The following BRDT variants were observed in gnomAD, a reference collection of about 807,000 sequenced individuals.
BRDT encodes the protein bromodomain testis-specific protein.
A neutral mutation model predicts 113.9 loss-of-function variants in BRDT; 77 were observed. The observed-to-expected ratio is 0.68, with a 90% CI of 0.56 to 0.82. The LOEUF (loss-of-function observed/expected upper bound fraction) is 0.82. Among genes scored for constraint, BRDT ranks in the 40% least tolerant of loss-of-function variants. BRDT has a pLI of 0.00. For synonymous variants in BRDT, 358 were observed against 366.5 expected (o/e 0.98, Z 0.26); for missense variants, 1,027 against 1,105.4 (o/e 0.93, Z 1.01).
intron 1 of BRDT, among the ~76,000 whole-genome samples, chr1:91,961,341 T>A (rs747464771): frequency 7.4e-5 from 11 of 148,720 alleles, no homozygotes; most frequent in Non-Finnish European, 1.6e-4. Context: ...TAAAATAAAA[T>A]CACTTTGGCT....
intron 15 of BRDT, among the ~76,000 whole-genome samples, chr1:91,995,641 T>C (rs908641227): frequency 7.3e-6 from 1 of 137,182 alleles, no homozygotes; most frequent in Non-Finnish European, 1.6e-5. Flanking sequence ...TTTTTTGTAG[T>C]TTTTTTTTTT....
chr1:92,014,229 C>T lies in BRDT; in HGVS notation c.2799C>T (p.Thr933=), dbSNP rs765506949. Residue 933 remains threonine (T), a synonymous_variant, in exon 19 of 19, where the codon ACC becomes ACT. Coordinates refer to ENST00000399546, the MANE Select transcript of BRDT (RefSeq NM_207189.4). ...REAMVGTIDM[T]LQSDIMTMFE... is the part of the protein sequence containing the mutation. ...AGATGGTGGGTACCATTGATATGAC[C>T]CTTCAAAGTGACATTATGACAATGT... is the stretch of plus-strand genomic sequence containing the variant. 1.9e-6 allele frequency: 3 copies of T among 1,588,646 alleles called. No homozygotes were observed. Among genetic ancestry groups the T allele is most frequent in the East Asian group, 4.6e-5 (2 of 43,590 alleles).
At chr1:91,973,630 T>C (rs1557823820) in intron 4 of BRDT, among the ~76,000 whole-genome samples, 2 of 152,212 alleles carry the variant, frequency 1.3e-5, no homozygotes, top group Admixed American at 1.3e-4. Context: ...ATTGATTTTG[T>C]ATCCTGAGAC....
chr1:91,960,967 C>T (rs990083031), intron 1 of BRDT, among the ~76,000 whole-genome samples: 3 of 152,180 alleles, frequency 2.0e-5, no homozygotes, highest in Non-Finnish European at 2.9e-5. Flanking sequence ...CTAGATGTAG[C>T]AATATGTGCC....
Position 91,979,704 on chromosome 1 carries a change from TCTG to T in BRDT, c.1235_1237del (p.Ser412_Asp413delinsTyr). 1 of 1,613,298 alleles carries T rather than the reference TCTG, an allele frequency of 6.2e-7. No homozygotes were observed. On this transcript the variant is annotated inframe_deletion, in exon 8 of 19. Coordinates refer to ENST00000399546, the MANE Select transcript of BRDT (RefSeq NM_207189.4). ...TGAAGCCTCCTCTGAAGGGAACTCT[TCTG>T]ATGATTCTGAAGATGAGCGAGTTAA...
chr1:91,971,440 A>G (rs1258889876), intron 4 of BRDT, among the ~76,000 whole-genome samples: 1 of 152,226 alleles, frequency 6.6e-6, no homozygotes, highest in African/African-American at 2.4e-5. Flanking sequence ...GAAGCATTCC[A>G]CTACCAGAGT....
At chr1:91,972,916 A>G (rs1434238023) in intron 4 of BRDT, among the ~76,000 whole-genome samples, 1 of 152,228 alleles carries the variant, frequency 6.6e-6, no homozygotes, top group African/African-American at 2.4e-5. Flanking sequence ...AGAGCCGGAA[A>G]TAGCTATATG....
At chr1:91,977,000 A>G (rs1336424296) in intron 5 of BRDT, 43 bp from the exon 6 acceptor site, 1 of 1,441,216 alleles carries the variant, frequency 6.9e-7, no homozygotes, top group East Asian at 2.3e-5. Flanking sequence ...TGCTCTGAAT[A>G]TCATCTCAAA....
chr1:91,954,375 G>A lies in BRDT; in HGVS notation c.-38+4693G>A, dbSNP rs148509994. On this transcript the variant is annotated intron_variant, in intron 1 of 18. Transcript: ENST00000399546. ...GCTCACTGCAGCCTCGACTTCATGA[G>A]CTCAAGTGATCCCCCCACCTCTGCC... Among the ~76,000 whole-genome samples the A allele has an allele frequency of 8.0e-3, 1,161 of 145,960 alleles. 17 individuals are homozygous for A. Among genetic ancestry groups the A allele is most frequent in the Middle Eastern group, 0.027 (7 of 256 alleles).
At chr1:92,014,041 T>G (rs1324639244) in intron 18 of BRDT, among the ~76,000 whole-genome samples, 165 bp from the exon 19 acceptor site, 2 of 152,310 alleles carry the variant, frequency 1.3e-5, no homozygotes, top group Non-Finnish European at 2.9e-5. Context: ...CAGAAATAAT[T>G]ATGTACAAAT....
chr1:91,960,245 C>G (rs1347189850), intron 1 of BRDT, among the ~76,000 whole-genome samples: 1 of 152,110 alleles, frequency 6.6e-6, no homozygotes, highest in African/African-American at 2.4e-5. Flanking sequence ...CTTGTAAACC[C>G]ATGTTCATAG....
At chr1:91,960,669 GTA>G (rs563287130) in intron 1 of BRDT, among the ~76,000 whole-genome samples, 8 of 152,168 alleles carry the variant, frequency 5.3e-5, no homozygotes, top group Non-Finnish European at 7.3e-5. Flanking sequence ...CTTAAAAAGA[GTA>G]TGGTAAATTT....
At chr1:92,011,133 G>T (rs1289535714) in intron 18 of BRDT, among the ~76,000 whole-genome samples, 1 of 152,066 alleles carries the variant, frequency 6.6e-6, no homozygotes, top group African/African-American at 2.4e-5. Context: ...ATTTTCTAGG[G>T]AATAACAAAA....
intron 13 of BRDT, among the ~76,000 whole-genome samples, 183 bp from the exon 14 acceptor site, chr1:91,992,081 A>C (rs959894923): frequency 6.6e-6 from 1 of 150,662 alleles, no homozygotes; most frequent in Non-Finnish European, 1.5e-5. Context: ...CCTCATATAC[A>C]TTTTTTTCCC....
chr1:91,989,564 T>C (rs1308908142), intron 12 of BRDT, among the ~76,000 whole-genome samples: 1 of 152,178 alleles, frequency 6.6e-6, no homozygotes, highest in African/African-American at 2.4e-5. Context: ...TTTCAACTTG[T>C]TGGCCAGGCT....
chr1:91,950,517 G>A (rs963284829), intron 1 of BRDT: 1 of 152,224 alleles, frequency 6.6e-6, no homozygotes, highest in Non-Finnish European at 1.5e-5. Flanking sequence ...GGCCTGGGTG[G>A]ATGGGAGGGA....
chr1:92,003,103 G>A (rs1170126617), intron 16 of BRDT, among the ~76,000 whole-genome samples: 1 of 152,146 alleles, frequency 6.6e-6, no homozygotes, highest in African/African-American at 2.4e-5. Flanking sequence ...TCCATAGGTA[G>A]AGACAAAAAC....
At chr1:92,007,892 TATTTATTCATTC>T (rs761476535) in intron 18 of BRDT, among the ~76,000 whole-genome samples, 2 of 151,130 alleles carry the variant, frequency 1.3e-5, no homozygotes, top group Non-Finnish European at 3.0e-5. Context: ...TTTATTTATT[TATTTATTCATTC>T]ATTCATTCAT....
intron 12 of BRDT, among the ~76,000 whole-genome samples, chr1:91,989,715 G>A (rs1315621746): frequency 6.6e-6 from 1 of 152,086 alleles, no homozygotes; most frequent in Non-Finnish European, 1.5e-5. Context: ...AATCTTCTCA[G>A]TCTGTCTCCT....
Sources: gnomAD v4.1 joint callset for allele counts (sites outside exome capture counted in the v4.1 genomes callset) on GRCh38, gnomAD v4.1.1 for gene constraint, MANE v1.5 for transcripts, NCBI Gene and HGNC (gene_info 2026-07-23, HGNC 2026-07-21) for gene names.